CRTAC1: variants seen among roughly 807,000 people sequenced by gnomAD.
CRTAC1 encodes the protein acidic secreted protein in cartilage.
A neutral mutation model predicts 67.8 loss-of-function variants in CRTAC1; 37 were observed. The observed-to-expected ratio is 0.55, with a 90% CI of 0.42 to 0.72. The LOEUF is 0.72. Ranked by LOEUF, CRTAC1 falls within the 30% of genes least tolerant of loss-of-function variation. The pLI is 0.00. For synonymous variants in CRTAC1, 348 were observed against 371.0 expected, an observed-to-expected ratio of 0.94 and a Z score of 0.71; for missense variants, 780 against 931.6, an observed-to-expected ratio of 0.84 and a Z score of 2.12.
intron 14 of CRTAC1, chr10:97,868,862 ATAG>A (rs1440673900): frequency 6.6e-6 from 1 of 152,172 alleles, no homozygotes; most frequent in Non-Finnish European, 1.5e-5. Context: ...CATAATAATA[ATAG>A]TAGCTGACGT....
intron 1 of CRTAC1, among the ~76,000 whole-genome samples, chr10:98,024,795 CCACACACA>C (rs112213274): frequency 8.4e-5 from 10 of 118,514 alleles, no homozygotes; most frequent in Admixed American, 1.9e-4. Context: ...CACCTCTCCA[CCACACACA>C]CACACACACA....
At chr10:97,928,803 A>G (rs1474963428) in intron 3 of CRTAC1, among the ~76,000 whole-genome samples, 1 of 152,062 alleles carries the variant, frequency 6.6e-6, no homozygotes, top group Non-Finnish European at 1.5e-5. Flanking sequence ...GAGTTTGCCC[A>G]GGGAGGGGGG....
intron 4 of CRTAC1, among the ~76,000 whole-genome samples, chr10:97,920,399 G>T (rs2050819774): frequency 6.6e-6 from 1 of 152,244 alleles, no homozygotes. Flanking sequence ...AGGGTGAGAT[G>T]ATTCCAAGGG....
chr10:97,928,619 C>T (rs753135780), intron 3 of CRTAC1, among the ~76,000 whole-genome samples: 1 of 152,166 alleles, frequency 6.6e-6, no homozygotes, highest in Non-Finnish European at 1.5e-5. Flanking sequence ...CAGGGCAGAA[C>T]CAGACAGTAT....
chr10:97,926,084 G>A (rs74413644), intron 3 of CRTAC1, among the ~76,000 whole-genome samples: 1 of 152,176 alleles, frequency 6.6e-6, no homozygotes. Flanking sequence ...CCAGGGAGGA[G>A]GAAAAGTCCC....
intron 2 of CRTAC1, among the ~76,000 whole-genome samples, chr10:97,944,286 C>G (rs1166946721): frequency 1.3e-5 from 2 of 152,058 alleles, no homozygotes; most frequent in African/African-American, 4.8e-5. Context: ...CAAAAATTAG[C>G]TGAGCGTGGT....
intron 6 of CRTAC1, among the ~76,000 whole-genome samples, chr10:97,907,073 C>T (rs141617275): frequency 6.4e-4 from 97 of 152,234 alleles, no homozygotes; most frequent in Non-Finnish European, 1.0e-3. Context: ...ATCATACATC[C>T]GAAAACTCGC....
chr10:97,995,471 G>A (rs759312258), intron 2 of CRTAC1, among the ~76,000 whole-genome samples: 1 of 152,144 alleles, frequency 6.6e-6, no homozygotes, highest in Admixed American at 6.5e-5. Context: ...TGTCTTCTTG[G>A]TGATAGAAAG....
chr10:97,999,280 T>C (rs536262503), intron 2 of CRTAC1, among the ~76,000 whole-genome samples: 11 of 152,330 alleles, frequency 7.2e-5, no homozygotes. Context: ...CCCTGCACTC[T>C]TGGGGGCCTG....
At chr10:98,002,587 A>G (rs1192234567) in intron 2 of CRTAC1, among the ~76,000 whole-genome samples, 3 of 151,580 alleles carry the variant, frequency 2.0e-5, no homozygotes, top group African/African-American at 2.4e-5. Flanking sequence ...ACCTCACCCA[A>G]TTTGGGTGTG....
intron 1 of CRTAC1, among the ~76,000 whole-genome samples, chr10:98,021,471 A>G (rs761229624): frequency 6.6e-6 from 1 of 152,172 alleles, no homozygotes; most frequent in African/African-American, 2.4e-5. Flanking sequence ...GAGAGGACAA[A>G]TGGAATCTCC....
At chr10:98,004,732 A>G (rs1842751540) in intron 2 of CRTAC1, among the ~76,000 whole-genome samples, 1 of 152,138 alleles carries the variant, frequency 6.6e-6, no homozygotes, top group Admixed American at 6.5e-5. Flanking sequence ...CTACATCTAT[A>G]TGTTTGAACA....
In CRTAC1 at chr10:97,905,841, C is replaced by T. The variant is rs551596580; in HGVS notation, c.851-1027G>A. Reference sequence around the variant, plus strand: ...GCGAAGCCTCTGTGCCCAATGCCACCTGCTTATACTATCCACGGAGTGGGT... The same window carrying T: ...GCGAAGCCTCTGTGCCCAATGCCACTTGCTTATACTATCCACGGAGTGGGT... On this transcript the variant is annotated intron_variant, in intron 6 of 14. Transcript: ENST00000370597. Among the ~76,000 whole-genome samples, 6 of 152,342 alleles carry T rather than the reference C, an allele frequency of 3.9e-5. No individual in the cohort carries two copies. The South Asian group carries it at 1.2e-3, about 32-fold the overall frequency.
At chr10:98,010,654 C>T (rs1454064574) in intron 2 of CRTAC1, among the ~76,000 whole-genome samples, 1 of 152,134 alleles carries the variant, frequency 6.6e-6, no homozygotes, top group Non-Finnish European at 1.5e-5. Context: ...TCTTAATTTC[C>T]ATCTTCCCCC....
chr10:97,896,776 C>G, intron 9 of CRTAC1, 133 bp downstream of exon 9: 1 of 555,498 alleles, frequency 1.8e-6, no homozygotes, highest in Non-Finnish European at 3.0e-6. Flanking sequence ...GCCCTTGAGT[C>G]TCAGCCCTCA....
At chr10:97,915,766 T>A (rs2050751387) in intron 5 of CRTAC1, among the ~76,000 whole-genome samples, 2 of 152,190 alleles carry the variant, frequency 1.3e-5, no homozygotes, top group South Asian at 4.2e-4. Context: ...GCAGACAGAA[T>A]AGTAACATGG....
At position 97,950,845 on chromosome 10, in the gene CRTAC1, A is replaced by G. The variant is rs114488344; in HGVS notation, c.225-14479T>C. ...AAGATAGGACAAGGTGGAAGACAGT[A>G]ACTAGAGAGTGACACCCAGAGACCT... On this transcript the variant is annotated intron_variant, in intron 2 of 14. Coordinates refer to ENST00000370597, the MANE Select transcript of CRTAC1 (RefSeq NM_018058.7). Among the ~76,000 whole-genome samples, 625 of 152,352 alleles carry G rather than the reference A, an allele frequency of 4.1e-3. 3 individuals are homozygous for G. The highest frequency in any genetic ancestry group is 0.014 in the African/African-American group (565 of 41,580).
intron 14 of CRTAC1, chr10:97,878,653 C>T (rs907037698): frequency 1.0e-5 from 13 of 1,303,826 alleles, no homozygotes; most frequent in Non-Finnish European, 1.2e-5. Context: ...ATTCTATTTT[C>T]CAAGGAGATT....
chr10:97,886,448 G>A (rs1305919579), intron 11 of CRTAC1, among the ~76,000 whole-genome samples: 1 of 152,168 alleles, frequency 6.6e-6, no homozygotes, highest in African/African-American at 2.4e-5. Flanking sequence ...CTCACACACT[G>A]AGTTCCCCTC....
Sources: allele counts gnomAD v4.1 joint callset (sites outside exome capture counted in the v4.1 genomes callset), GRCh38; gene constraint gnomAD v4.1.1; transcripts MANE v1.5; gene names NCBI Gene and HGNC (gene_info 2026-07-23, HGNC 2026-07-21).